Variants in COL2A1 observed in about 807,000 individuals in gnomAD.
COL2A1 encodes the protein collagen alpha-1(II) chain.
Under a neutral mutation model 204.5 loss-of-function variants are expected in COL2A1, and 28 were observed. The ratio of observed to expected loss-of-function variants is 0.14; its 90% CI spans 0.10 to 0.19. The LOEUF is 0.19. Ranked by LOEUF, COL2A1 falls within the 10% of genes least tolerant of loss-of-function variation. The pLI, the probability that COL2A1 is intolerant of heterozygous loss-of-function variation, is 1.00. For missense variants in COL2A1, 1,388 were observed against 2,027.5 expected (o/e 0.68, Z 6.06); for synonymous variants, 708 against 718.7 (o/e 0.99, Z 0.24).
chr12:47,994,270 C>T (rs531595858), intron 12 of COL2A1, among the ~76,000 whole-genome samples, 154 bp downstream of exon 12: 5 of 152,170 alleles, frequency 3.3e-5, no homozygotes, highest in Admixed American at 2.6e-4. Flanking sequence ...TCATGAGAGC[C>T]TGAGTGGAAA....
rs769355116 is a variant in COL2A1, at chr12:47,992,878, C to T, written c.1023G>A (p.Ala341=). Residue 341 remains alanine (A), a splice_region_variant and synonymous_variant, in exon 16 of 54, where the codon GCG becomes GCA. Coordinates refer to ENST00000380518, the MANE Select transcript of COL2A1 (RefSeq NM_001844.5). ...GTGTTTGGCTTTGTCAATTACTCACCGCAGCGCCAGCAGGGCCAGTCCGTC... is the reference window on the plus strand; with the variant it reads ...GTGTTTGGCTTTGTCAATTACTCACTGCAGCGCCAGCAGGGCCAGTCCGTC... ...ERGRTGPAGA[A]GARGNDGQPG... The T allele has an allele frequency of 8.1e-6, 13 of 1,614,030 alleles. No individual in the cohort carries two copies. Among genetic ancestry groups the T allele is most frequent in the African/African-American group, 1.3e-5 (1 of 74,916 alleles).
intron 44 of COL2A1, among the ~76,000 whole-genome samples, 169 bp from the exon 45 acceptor site, chr12:47,977,822 C>G (rs568338857): frequency 5.3e-4 from 80 of 152,302 alleles, no homozygotes; most frequent in Non-Finnish European, 8.8e-5. Context: ...GGAAGCAGCC[C>G]TTGGTCTCTA....
In COL2A1 at chr12:47,980,195, GA is replaced by G. The variant is rs1435598007; in HGVS notation, c.2626-134del. On this transcript the variant is annotated intron_variant, in intron 39 of 53. Transcript: ENST00000380518. The surrounding 1 kb of genome is among the most constrained non-coding windows in gnomAD (Gnocchi z 4.5). ...CTTGGCACTAAAAACCCAGCCTGAA[GA>G]GGCTGCCACAGGCAGCTCTGTCCCC... 1.2e-6 allele frequency: 1 copy of G among 809,850 alleles called. No individual in the cohort carries two copies. The highest frequency in any genetic ancestry group is 1.7e-5 in the African/African-American group (1 of 58,332). The allele number at this position is 809,850 out of a possible 1,614,324, so 50.2% of individuals were successfully genotyped here.
intron 4 of COL2A1, 42 bp from the exon 5 acceptor site, chr12:47,998,106 C>A: frequency 6.2e-7 from 1 of 1,614,150 alleles, no homozygotes; most frequent in African/African-American, 1.3e-5. Flanking sequence ...TAGAGGAGAG[C>A]ACAAGGAAAT....
chr12:47,987,385 G>T lies in COL2A1; in HGVS notation c.1222-72C>A, dbSNP rs1939482216. On this transcript the variant is annotated intron_variant, in intron 19 of 53. Coordinates refer to ENST00000380518, the MANE Select transcript of COL2A1 (RefSeq NM_001844.5). The surrounding 1 kb of genome is among the most constrained non-coding windows in gnomAD (Gnocchi z 4.1). ...ACCACCTCCAGCCCTCCAGGATCCA[G>T]ATCCAGGGACCTGGCATAGGTGCTG... The T allele has an allele frequency of 6.5e-7, 1 of 1,532,098 alleles. No individual in the cohort carries two copies. The highest frequency in any genetic ancestry group is 2.3e-5 in the East Asian group (1 of 44,404). 94.9% of individuals were successfully genotyped at this position (1,532,098 alleles called of 1,614,324 possible).
At chr12:48,004,198 G>A (rs1322724381) in intron 1 of COL2A1, 39 bp downstream of exon 1, 2 of 1,420,278 alleles carry the variant, frequency 1.4e-6, no homozygotes, top group Non-Finnish European at 1.9e-6. Context: ...AGGGACGCAT[G>A]GAAAGCAGGC....
rs1938966334 is a variant in COL2A1 at position 47,980,130 on chromosome 12, C to T, written c.2626-68G>A. 1.4e-6 allele frequency: 2 copies of T among 1,381,214 alleles called. No homozygotes were observed. The highest frequency in any genetic ancestry group is 2.0e-6 in the Non-Finnish European group (2 of 992,544). The allele number at this position is 1,381,214 out of a possible 1,614,324, so 85.6% of individuals were successfully genotyped here. A position where few individuals can be genotyped will look rare whatever the true frequency, so the allele number is the denominator to read the frequency against. ...GAAGACGGTGGGCTTCTGTCTGAGCCCCAACAATGGACCCCTGAGGTTTTC... is the reference window on the plus strand; with the variant it reads ...GAAGACGGTGGGCTTCTGTCTGAGCTCCAACAATGGACCCCTGAGGTTTTC... On this transcript the variant is annotated intron_variant, in intron 39 of 53. Coordinates refer to ENST00000380518, the MANE Select transcript of COL2A1 (RefSeq NM_001844.5). This position sits in a 1 kb window ranked among gnomAD's most constrained non-coding sequence, Gnocchi z 4.5.
Position 47,973,136 on chromosome 12 carries a change from C to T in COL2A1, c.*271G>A, listed in dbSNP as rs1938516092. On this transcript the variant is annotated 3_prime_UTR_variant, in exon 54 of 54. Coordinates refer to ENST00000380518, the MANE Select transcript of COL2A1 (RefSeq NM_001844.5). ...GGGCAGTCACTCAGGGGGCATTTGA[C>T]TCACACCAGTTAGTTTCCTGCCTCT... 1 of 613,126 alleles carries T rather than the reference C, an allele frequency of 1.6e-6. No homozygotes were observed. Among genetic ancestry groups the T allele is most frequent in the Non-Finnish European group, 2.9e-6 (1 of 344,718 alleles). The allele number at this position is 613,126 out of a possible 1,614,324, so 38.0% of individuals were successfully genotyped here.
chr12:47,980,478 C>T lies in COL2A1; in HGVS notation c.2625+76G>A. 7.5e-7 allele frequency: 1 copy of T among 1,327,572 alleles called. No homozygotes were observed. Among genetic ancestry groups the T allele is most frequent in the Non-Finnish European group, 1.1e-6 (1 of 942,154 alleles). 82.2% of individuals were successfully genotyped at this position (1,327,572 alleles called of 1,614,324 possible). Reference sequence around the variant, plus strand: ...GGCCTGCGAACCATCCTCTGCGCAGCCTGCTGGGGCCTTCCCATCTGCACG... The same window carrying T: ...GGCCTGCGAACCATCCTCTGCGCAGTCTGCTGGGGCCTTCCCATCTGCACG... On this transcript the variant is annotated intron_variant, in intron 39 of 53. Coordinates refer to ENST00000380518, the MANE Select transcript of COL2A1 (RefSeq NM_001844.5). The surrounding 1 kb of genome is among the most constrained non-coding windows in gnomAD (Gnocchi z 4.5).
At position 47,974,511 on chromosome 12, in the gene COL2A1, C is replaced by A. The variant is rs192983717; in HGVS notation, c.4074+164G>T. Among the ~76,000 whole-genome samples, 183 of 152,270 alleles carry A rather than the reference C, an allele frequency of 1.2e-3. 1 individual carries two copies. The highest frequency in any genetic ancestry group is 3.9e-3 in the African/African-American group (161 of 41,562). ...AAGCTCAGAGGACCTCTTTTCCCAC[C>A]TCCACGTGGGGAAAAAATACTTTTC... On this transcript the variant is annotated intron_variant, in intron 52 of 53. Transcript: ENST00000380518.
In COL2A1 at chr12:47,994,023, G is replaced by A; in HGVS notation, c.841C>T (p.Pro281Ser). The A allele has an allele frequency of 1.2e-6, 2 of 1,614,074 alleles. No individual in the cohort carries two copies. The highest frequency in any genetic ancestry group is 2.2e-5 in the East Asian group (1 of 44,886). The change falls in exon 13 of 54, where the codon CCA (proline) becomes TCA (serine). Residue 281 changes from proline to serine, a missense_variant. Coordinates refer to ENST00000380518, the MANE Select transcript of COL2A1 (RefSeq NM_001844.5). Reference protein sequence around the residue: ...PQGARGFPGTPGLPGVKGHRG... With the variant: ...PQGARGFPGTSGLPGVKGHRG... ...TGACCTTTGACACCAGGAAGGCCTG[G>A]GGTTCCTGGGAAACCACGAGCACCC...
At chr12:47,975,233 TA>T in intron 51 of COL2A1, 83 bp downstream of exon 51, 1 of 1,537,890 alleles carries the variant, frequency 6.5e-7, no homozygotes, top group Non-Finnish European at 8.9e-7. Context: ...TGCCCTGTAC[TA>T]GGGGGCATCT....
intron 28 of COL2A1, 134 bp downstream of exon 28, chr12:47,984,412 A>C (rs530911412): frequency 1.1e-6 from 1 of 949,192 alleles, no homozygotes; most frequent in Admixed American, 2.0e-5. Context: ...CCCAGCCAGC[A>C]TGGGGCTCAG....
At position 47,977,621 on chromosome 12, in the gene COL2A1, T is replaced by A. The variant is rs758162798; in HGVS notation, c.3144A>T (p.Arg1048Ser). ...TCACCTTGACTCCAGCAGCGCCATC[T>A]CTGCCAGGGGGGCCATCAGCACCGG... ...GSPGADGPPG[R>S]DGAAGVKGDR... The change falls in exon 45 of 54, where the codon AGA becomes AGT. Residue 1048 changes from arginine to serine, a missense_variant. Around this residue, in one of 3 missense-constraint regions of COL2A1, gnomAD observed 884 missense variants for 1,415.8 expected, o/e 0.62. Coordinates refer to ENST00000380518, the MANE Select transcript of COL2A1 (RefSeq NM_001844.5). The A allele has an allele frequency of 1.2e-6, 2 of 1,613,936 alleles. No individual in the cohort carries two copies. The highest frequency in any genetic ancestry group is 1.7e-6 in the Non-Finnish European group (2 of 1,179,936).
At chr12:47,999,115 C>T (rs1338974490) in intron 2 of COL2A1, among the ~76,000 whole-genome samples, 2 of 152,202 alleles carry the variant, frequency 1.3e-5, no homozygotes, top group African/African-American at 4.8e-5. Context: ...ACGGCCTTCT[C>T]TACTTCAGCA....
chr12:47,988,635 T>A (rs557643962), intron 18 of COL2A1, among the ~76,000 whole-genome samples: 1 of 152,234 alleles, frequency 6.6e-6, no homozygotes, highest in African/African-American at 2.4e-5. Flanking sequence ...CAGTGACACA[T>A]GGAGGCTCCT....
At chr12:48,003,321 A>T (rs1940322115) in intron 1 of COL2A1, among the ~76,000 whole-genome samples, 1 of 151,816 alleles carries the variant, frequency 6.6e-6, no homozygotes, top group Non-Finnish European at 1.5e-5. Flanking sequence ...ACATACACAC[A>T]CACACACGCA....
At chr12:48,004,072 T>C (rs1180777518) in intron 1 of COL2A1, 165 bp downstream of exon 1, 16 of 642,602 alleles carry the variant, frequency 2.5e-5, no homozygotes, top group Non-Finnish European at 3.5e-5. Context: ...GGCAGAACTC[T>C]TCTTGGTGAA....
Position 47,989,814 on chromosome 12 carries a change from A to G in COL2A1, c.1024-9T>C, listed in dbSNP as rs1049733489. On this transcript the variant is annotated splice_polypyrimidine_tract_variant and intron_variant, in intron 16 of 53. Transcript: ENST00000380518. Reference sequence around the variant, plus strand: ...TCGTTGCCTCGGGCACCCTGTGAGCAAGAAGGAAGTGACCATGAGAGGTGC... The same window carrying G: ...TCGTTGCCTCGGGCACCCTGTGAGCGAGAAGGAAGTGACCATGAGAGGTGC... 1 of 1,612,870 alleles carries G rather than the reference A, an allele frequency of 6.2e-7. No homozygotes were observed.
Sources: gnomAD v4.1 joint callset for allele counts (sites outside exome capture counted in the v4.1 genomes callset) on GRCh38, gnomAD v4.1.1 for gene constraint, gnomAD v4.1.1 regional missense constraint, Gnocchi (gnomAD v3.1) non-coding constraint, MANE v1.5 for transcripts, NCBI Gene and HGNC (gene_info 2026-07-23, HGNC 2026-07-21) for gene names.